NRG1: variants seen among roughly 807,000 people sequenced by gnomAD.
NRG1 encodes the protein neuregulin 1.
In NRG1, 18 loss-of-function variants were observed where a neutral mutation model predicts 63.8. That is an observed-to-expected ratio of 0.28 (90% confidence interval 0.19 to 0.42). NRG1 has a LOEUF of 0.42. Among genes scored for constraint, NRG1 ranks in the 10% least tolerant of loss-of-function variants. The pLI is 1.00. For missense variants in NRG1, 762 were observed against 814.7 expected, an observed-to-expected ratio of 0.94 and a Z score of 0.79; for synonymous variants, 302 against 301.3, an observed-to-expected ratio of 1.00 and a Z score of -0.02.
At chr8:32,245,753 A>G (rs1848535968) in intron 1 of NRG1, among the ~76,000 whole-genome samples, 2 of 152,180 alleles carry the variant, frequency 1.3e-5, no homozygotes. Context: ...AATTCACTAC[A>G]TAGGGTTTCT....
chr8:32,142,757 A>C (rs1836421798), intron 1 of NRG1, among the ~76,000 whole-genome samples: 1 of 152,232 alleles, frequency 6.6e-6, no homozygotes, highest in South Asian at 2.1e-4. Context: ...CATTGTGAGA[A>C]TTTGGTCTCT....
At chr8:31,711,866 G>A (rs937502680) in intron 1 of NRG1, among the ~76,000 whole-genome samples, 3 of 152,064 alleles carry the variant, frequency 2.0e-5, no homozygotes, top group Non-Finnish European at 2.9e-5. Context: ...AGAAACCTTC[G>A]GGTTCTCTTT....
chr8:32,240,942 G>C (rs753895063), intron 1 of NRG1, among the ~76,000 whole-genome samples: 3 of 152,016 alleles, frequency 2.0e-5, no homozygotes, highest in Non-Finnish European at 2.9e-5. Context: ...GAAGGAGAAT[G>C]GGGGGTACCT....
At chr8:32,158,731 A>G (rs1838462576) in intron 1 of NRG1, among the ~76,000 whole-genome samples, 1 of 151,994 alleles carries the variant, frequency 6.6e-6, no homozygotes, top group East Asian at 1.9e-4. Flanking sequence ...CATACATATA[A>G]ATAGTTCAGT....
At chr8:31,664,311 G>C (rs1367032052) in intron 1 of NRG1, among the ~76,000 whole-genome samples, 1 of 152,158 alleles carries the variant, frequency 6.6e-6, no homozygotes, top group Non-Finnish European at 1.5e-5. Context: ...TTGAAGACAG[G>C]ATGATTTAAA....
At chr8:32,623,760 A>G (rs1278331609) in intron 5 of NRG1, among the ~76,000 whole-genome samples, 1 of 152,194 alleles carries the variant, frequency 6.6e-6, no homozygotes, top group African/African-American at 2.4e-5. Context: ...TCTTTTTTAA[A>G]CAATACTGCT....
chr8:32,485,364 C>A (rs193248450), intron 1 of NRG1, among the ~76,000 whole-genome samples: 1 of 150,994 alleles, frequency 6.6e-6, no homozygotes, highest in African/African-American at 2.4e-5. Context: ...CCTCGGCCTC[C>A]CAAAGTGCTG....
At chr8:31,656,703 G>A (rs548386089) in intron 1 of NRG1, among the ~76,000 whole-genome samples, 2 of 152,274 alleles carry the variant, frequency 1.3e-5, no homozygotes, top group African/African-American at 2.4e-5. Flanking sequence ...ACTCGTTTAT[G>A]TGTTTTTCTC....
At chr8:31,730,544 G>A (rs757313860) in intron 1 of NRG1, among the ~76,000 whole-genome samples, 65 of 152,208 alleles carry the variant, frequency 4.3e-4, no homozygotes, top group Non-Finnish European at 6.9e-4. Flanking sequence ...GAACAGATGG[G>A]CGTCAGACAA....
chr8:32,266,710 A>C (rs1351320575), intron 1 of NRG1, among the ~76,000 whole-genome samples: 1 of 152,092 alleles, frequency 6.6e-6, no homozygotes, highest in Non-Finnish European at 1.5e-5. Flanking sequence ...TTCTAGCCCC[A>C]AAACAGGAAA....
At chr8:32,726,252 C>G (rs1171184579) in intron 5 of NRG1, among the ~76,000 whole-genome samples, 3 of 152,066 alleles carry the variant, frequency 2.0e-5, no homozygotes, top group African/African-American at 7.2e-5. Flanking sequence ...AGATTTTTCT[C>G]TCTTATACAT....
At chr8:32,572,025 T>G (rs566524518) in intron 1 of NRG1, among the ~76,000 whole-genome samples, 6 of 152,190 alleles carry the variant, frequency 3.9e-5, no homozygotes, top group Non-Finnish European at 4.4e-5. Context: ...CACTTTTATG[T>G]CCTATCTTCT....
At chr8:32,218,992 A>C (rs1433131859) in intron 1 of NRG1, among the ~76,000 whole-genome samples, 2 of 152,218 alleles carry the variant, frequency 1.3e-5, no homozygotes, top group South Asian at 4.1e-4. Context: ...ACCCTGTGCC[A>C]GGTGTTATTA....
intron 1 of NRG1, among the ~76,000 whole-genome samples, chr8:31,679,102 G>A (rs1038824733): frequency 1.3e-5 from 2 of 151,944 alleles, no homozygotes; most frequent in African/African-American, 4.8e-5. Flanking sequence ...CTTTGCACAT[G>A]CTTCTTCTTT....
chr8:32,510,737 A>G (rs1165907231), intron 1 of NRG1, among the ~76,000 whole-genome samples: 1 of 151,998 alleles, frequency 6.6e-6, no homozygotes, highest in Non-Finnish European at 1.5e-5. Context: ...CACCCTAAGG[A>G]CCATGCAGGC....
chr8:31,640,794 A>G lies in NRG1; in HGVS notation c.37+1363A>G. 4 of 1,437,304 alleles carry G rather than the reference A, an allele frequency of 2.8e-6. No individual in the cohort carries two copies. Among genetic ancestry groups the G allele is most frequent in the Non-Finnish European group, 2.7e-6 (3 of 1,095,760 alleles). 89.0% of individuals were successfully genotyped at this position (1,437,304 alleles called of 1,614,324 possible). A position where few individuals can be genotyped will look rare whatever the true frequency, so the allele number is the denominator to read the frequency against. ...GAGGGCGCATCCCGGGCGCGCGGGC[A>G]GCGGGGCTCGACGGCCGCCCGAGCA... On this transcript the variant is annotated intron_variant, in intron 1 of 10. Transcript: ENST00000519301. This position sits in a 1 kb window ranked among gnomAD's most constrained non-coding sequence, Gnocchi z 6.3.
intron 1 of NRG1, among the ~76,000 whole-genome samples, chr8:32,105,804 G>T (rs894131801): frequency 6.6e-6 from 1 of 152,072 alleles, no homozygotes; most frequent in African/African-American, 2.4e-5. Flanking sequence ...AATTATAAAT[G>T]TATTATCATT....
intron 1 of NRG1, among the ~76,000 whole-genome samples, chr8:32,241,309 T>C (rs1848075688): frequency 1.3e-5 from 2 of 152,210 alleles, no homozygotes; most frequent in Non-Finnish European, 2.9e-5. Flanking sequence ...TAAAATGCAA[T>C]GCAATAAATT....
chr8:32,739,108 A>C (rs772648128), intron 6 of NRG1, among the ~76,000 whole-genome samples: 16 of 152,116 alleles, frequency 1.1e-4, no homozygotes, highest in Non-Finnish European at 2.1e-4. Flanking sequence ...TCATTTTATC[A>C]CTGAGGAAAA....
Sources: gnomAD v4.1 joint callset for allele counts (sites outside exome capture counted in the v4.1 genomes callset) on GRCh38, gnomAD v4.1.1 for gene constraint, Gnocchi (gnomAD v3.1) non-coding constraint, MANE v1.5 for transcripts, NCBI Gene and HGNC (gene_info 2026-07-23, HGNC 2026-07-21) for gene names.